Variants in KIAA1958 observed in about 807,000 individuals in gnomAD.
KIAA1958 encodes uncharacterized protein KIAA1958.
In KIAA1958, 14 loss-of-function variants were observed where a neutral mutation model predicts 47.2. The ratio of observed to expected loss-of-function variants is 0.30; its 90% CI spans 0.20 to 0.46. The LOEUF is 0.46. Among genes scored for constraint, KIAA1958 ranks in the 20% least tolerant of loss-of-function variants. The pLI is 1.00. For synonymous variants in KIAA1958, 354 were observed against 353.3 expected (o/e 1.00, Z -0.02); for missense variants, 803 against 909.2 (o/e 0.88, Z 1.50).
At chr9:112,559,234 T>C (rs1014973071) in intron 1 of KIAA1958, among the ~76,000 whole-genome samples, 2 of 152,196 alleles carry the variant, frequency 1.3e-5, no homozygotes, top group Admixed American at 6.5e-5. Flanking sequence ...TACTGAGATA[T>C]TAATTTGTAT....
intron 2 of KIAA1958, among the ~76,000 whole-genome samples, chr9:112,633,739 T>C (rs1836750935): frequency 6.6e-6 from 1 of 152,174 alleles, no homozygotes; most frequent in Non-Finnish European, 1.5e-5. Context: ...GTCTGGCTTC[T>C]TTTGCTTAAC....
intron 2 of KIAA1958, among the ~76,000 whole-genome samples, chr9:112,583,028 T>G (rs1051992824): frequency 3.3e-5 from 5 of 152,220 alleles, no homozygotes; most frequent in Non-Finnish European, 5.9e-5. Flanking sequence ...GCATTAGAGC[T>G]TGAGAAGCAG....
At chr9:112,526,495 C>T (rs563413356) in intron 1 of KIAA1958, among the ~76,000 whole-genome samples, 37 of 152,194 alleles carry the variant, frequency 2.4e-4, no homozygotes, top group Non-Finnish European at 5.0e-4. Context: ...ATCCACCCGC[C>T]TCAGCCTCCC....
In KIAA1958 at chr9:112,625,712, A is replaced by G. The variant is rs1379032693; in HGVS notation, c.1172-19938A>G. 2.6e-5 allele frequency among the ~76,000 whole-genome samples: 4 copies of G among 152,194 alleles called. No homozygotes were observed. In the East Asian group the frequency reaches 7.7e-4, roughly 29 times the overall value. ...AGTAGATTCAAGCTGCCAAGTTCCAATAGGCTGTTCTTGAATGTGACATTT... is the reference window on the plus strand; with the variant it reads ...AGTAGATTCAAGCTGCCAAGTTCCAGTAGGCTGTTCTTGAATGTGACATTT... On this transcript the variant is annotated intron_variant, in intron 2 of 3. Transcript: ENST00000337530.
chr9:112,553,732 A>G (rs1344193698), intron 1 of KIAA1958, among the ~76,000 whole-genome samples: 1 of 152,172 alleles, frequency 6.6e-6, no homozygotes, highest in Non-Finnish European at 1.5e-5. Flanking sequence ...TATAAGATCT[A>G]ATGACGTCAC....
rs985819045 is a variant in KIAA1958 at position 112,667,997 on chromosome 9, T to C, written c.*7928T>C. On this transcript the variant is annotated 3_prime_UTR_variant, in exon 4 of 4. Transcript: ENST00000337530. ...ACCCGAAGTCCTCATATGAATAGGC[T>C]AAATTAATACAATAAGGTGTAATAA... is the stretch of plus-strand genomic sequence containing the variant. The C allele has an allele frequency of 3.2e-5, 3 of 93,752 alleles. No homozygotes were observed. Among genetic ancestry groups the C allele is most frequent in the African/African-American group, 1.1e-4 (2 of 18,546 alleles). The allele number at this position is 93,752 out of a possible 1,614,324, so 5.8% of individuals were successfully genotyped here. A position where few individuals can be genotyped will look rare whatever the true frequency, so the allele number is the denominator to read the frequency against.
intron 1 of KIAA1958, among the ~76,000 whole-genome samples, chr9:112,543,271 C>CA (rs1834974253): frequency 6.6e-6 from 1 of 151,910 alleles, no homozygotes; most frequent in African/African-American, 2.4e-5. Flanking sequence ...CAGTAAAACA[C>CA]ATTGTGGGTG....
At chr9:112,558,810 A>G (rs1183569739) in intron 1 of KIAA1958, among the ~76,000 whole-genome samples, 2 of 152,190 alleles carry the variant, frequency 1.3e-5, no homozygotes, top group African/African-American at 2.4e-5. Flanking sequence ...CCCATGAGCA[A>G]ATATTTCACA....
intron 2 of KIAA1958, among the ~76,000 whole-genome samples, chr9:112,622,200 A>G (rs1836521579): frequency 6.6e-6 from 1 of 152,246 alleles, no homozygotes. Context: ...ATACTTTAGC[A>G]AAAAATCAAC....
chr9:112,643,837 A>G (rs1291648532), intron 2 of KIAA1958, among the ~76,000 whole-genome samples: 1 of 152,078 alleles, frequency 6.6e-6, no homozygotes, highest in Non-Finnish European at 1.5e-5. Context: ...GGTTATGTAA[A>G]AGTGGATTTC....
At position 112,660,103 on chromosome 9, in the gene KIAA1958, C is replaced by G; in HGVS notation, c.*34C>G. Reference sequence around the variant, plus strand: ...TGGGGCCCGGCCACTGCCCTGTCACCTGCTCGGGCCAGCCAGGGTTGGAGC... The same window carrying G: ...TGGGGCCCGGCCACTGCCCTGTCACGTGCTCGGGCCAGCCAGGGTTGGAGC... On this transcript the variant is annotated 3_prime_UTR_variant, in exon 4 of 4. Transcript: ENST00000337530. 2 of 1,581,174 alleles carry G rather than the reference C, an allele frequency of 1.3e-6. No homozygotes were observed. The highest frequency in any genetic ancestry group is 1.1e-5 in the South Asian group (1 of 88,054).
intron 2 of KIAA1958, among the ~76,000 whole-genome samples, chr9:112,580,836 G>A (rs919495949): frequency 6.6e-6 from 1 of 151,780 alleles, no homozygotes; most frequent in African/African-American, 2.4e-5. Context: ...TATTTTCTTA[G>A]CCATTTCTTA....
intron 2 of KIAA1958, among the ~76,000 whole-genome samples, chr9:112,619,844 G>A (rs553298768): frequency 3.9e-4 from 59 of 152,210 alleles, no homozygotes; most frequent in Admixed American, 1.2e-3. Flanking sequence ...AAATCTAGAA[G>A]CAGTAGTCGA....
In KIAA1958 at chr9:112,563,547, A is replaced by G. The variant is rs1045790892; in HGVS notation, c.-24-10510A>G. On this transcript the variant is annotated intron_variant, in intron 1 of 3. Transcript: ENST00000337530. ...TTTTACTGCTAGTATGTAGAAAATAATTGAGCTCTTAATATTAATCTTGTA... is the reference window on the plus strand; with the variant it reads ...TTTTACTGCTAGTATGTAGAAAATAGTTGAGCTCTTAATATTAATCTTGTA... Among the ~76,000 whole-genome samples, 3 of 152,006 alleles carry G rather than the reference A, an allele frequency of 2.0e-5. No individual in the cohort carries two copies. In the East Asian group the frequency reaches 5.8e-4, roughly 29 times the overall value.
intron 2 of KIAA1958, among the ~76,000 whole-genome samples, chr9:112,588,475 A>G (rs1835867472): frequency 1.3e-5 from 2 of 152,202 alleles, no homozygotes; most frequent in African/African-American, 2.4e-5. Flanking sequence ...GACTGTAAGC[A>G]GTATTATTAT....
At chr9:112,513,004 A>AT (rs34446189) in intron 1 of KIAA1958, among the ~76,000 whole-genome samples, 14,186 of 104,502 alleles carry the variant, frequency 0.14, 1,086 homozygotes, top group East Asian at 0.23. Context: ...TGCCCAGCTA[A>AT]TTTTTTTTTT....
In KIAA1958 at chr9:112,614,543, T is replaced by C. The variant is rs554785968; in HGVS notation, c.1172-31107T>C. Reference sequence around the variant, plus strand: ...AGTCTTACTTGATTTTGTTATTAACTAAAAAACTTATTCCTATTACTTGAC... The same window carrying C: ...AGTCTTACTTGATTTTGTTATTAACCAAAAAACTTATTCCTATTACTTGAC... On this transcript the variant is annotated intron_variant, in intron 2 of 3. Transcript: ENST00000337530. 3.3e-5 allele frequency among the ~76,000 whole-genome samples: 5 copies of C among 152,360 alleles called. No homozygotes were observed. The South Asian group carries it at 1.0e-3, about 32-fold the overall frequency.
intron 2 of KIAA1958, among the ~76,000 whole-genome samples, chr9:112,627,821 GT>G (rs1836643545): frequency 6.6e-6 from 1 of 152,170 alleles, no homozygotes; most frequent in African/African-American, 2.4e-5. Flanking sequence ...AAACCTCACA[GT>G]TCCCACTTGT....
At chr9:112,492,913 T>G (rs1236411271) in intron 1 of KIAA1958, among the ~76,000 whole-genome samples, 12 of 119,384 alleles carry the variant, frequency 1.0e-4, no homozygotes, top group African/African-American at 4.1e-4. Flanking sequence ...AGAGCCCAGC[T>G]CACTTTTTTT....
Sources: gnomAD v4.1 joint callset for allele counts (sites outside exome capture counted in the v4.1 genomes callset) on GRCh38, gnomAD v4.1.1 for gene constraint, MANE v1.5 for transcripts, NCBI Gene and HGNC (gene_info 2026-07-23, HGNC 2026-07-21) for gene names.